Variants in IGF2BP2 observed in about 807,000 individuals in gnomAD.
The protein encoded by IGF2BP2 is insulin-like growth factor 2 mRNA-binding protein 2.
In IGF2BP2, 17 loss-of-function variants were observed where a neutral mutation model predicts 75.8. The observed-to-expected ratio is 0.22, with a 90% confidence interval of 0.15 to 0.34. The LOEUF is 0.34. Ranked by LOEUF, IGF2BP2 falls within the 10% of genes least tolerant of loss-of-function variation. The pLI, the probability that IGF2BP2 is intolerant of heterozygous loss-of-function variation, is 1.00. For missense variants in IGF2BP2, 516 were observed against 772.4 expected (o/e 0.67, Z 3.93); for synonymous variants, 288 against 295.6 (o/e 0.97, Z 0.26).
intron 8 of IGF2BP2, 30 bp from the exon 9 acceptor site, chr3:185,675,461 G>C (rs1719186565): frequency 4.4e-6 from 7 of 1,585,974 alleles, no homozygotes; most frequent in African/African-American, 1.4e-5. Flanking sequence ...GAGAAATTTT[G>C]TTTTCAACGG....
intron 2 of IGF2BP2, among the ~76,000 whole-genome samples, chr3:185,702,565 G>C (rs1296895737): frequency 6.6e-6 from 1 of 152,040 alleles, no homozygotes; most frequent in Non-Finnish European, 1.5e-5. Context: ...CAGGTAAAAG[G>C]CATTTTTCAT....
intron 2 of IGF2BP2, among the ~76,000 whole-genome samples, chr3:185,820,273 C>T (rs938764999): frequency 1.4e-5 from 2 of 146,792 alleles, no homozygotes; most frequent in Admixed American, 6.9e-5. Flanking sequence ...CACACACACA[C>T]ATAATTTTTA....
At chr3:185,751,150 T>C (rs1199114120) in intron 2 of IGF2BP2, among the ~76,000 whole-genome samples, 1 of 152,150 alleles carries the variant, frequency 6.6e-6, no homozygotes, top group African/African-American at 2.4e-5. Flanking sequence ...GAGGCAGAGG[T>C]TGCAGTGAGT....
intron 2 of IGF2BP2, among the ~76,000 whole-genome samples, chr3:185,808,291 A>G (rs1458414498): frequency 1.3e-5 from 2 of 150,156 alleles, no homozygotes; most frequent in African/African-American, 5.0e-5. Context: ...GCCTGCCAAC[A>G]TGGTGAAACA....
chr3:185,803,776 C>T (rs1218102871), intron 2 of IGF2BP2, among the ~76,000 whole-genome samples: 1 of 152,176 alleles, frequency 6.6e-6, no homozygotes, highest in African/African-American at 2.4e-5. Flanking sequence ...TAGGGGTACT[C>T]ATTCAACAAA....
intron 2 of IGF2BP2, among the ~76,000 whole-genome samples, chr3:185,752,447 A>G (rs898826347): frequency 1.3e-5 from 2 of 152,188 alleles, no homozygotes; most frequent in African/African-American, 4.8e-5. Context: ...CCATAAAGCC[A>G]TTCTCTTTTA....
chr3:185,753,909 T>TA (rs543820582), intron 2 of IGF2BP2, among the ~76,000 whole-genome samples: 1 of 151,940 alleles, frequency 6.6e-6, no homozygotes, highest in Non-Finnish European at 1.5e-5. Context: ...TCTGGTTGTT[T>TA]AAAAGAGTCT....
At chr3:185,815,397 C>T (rs1740467330) in intron 2 of IGF2BP2, among the ~76,000 whole-genome samples, 1 of 152,210 alleles carries the variant, frequency 6.6e-6, no homozygotes, top group Admixed American at 6.5e-5. Context: ...CAACTTTCTA[C>T]TTCATTGCTA....
chr3:185,751,384 C>T (rs1052644831), intron 2 of IGF2BP2, among the ~76,000 whole-genome samples: 1 of 151,454 alleles, frequency 6.6e-6, no homozygotes, highest in Non-Finnish European at 1.5e-5. Context: ...TCGAGACCAG[C>T]CTGACCAACA....
At chr3:185,797,675 A>G (rs952553754) in intron 2 of IGF2BP2, among the ~76,000 whole-genome samples, 1 of 152,128 alleles carries the variant, frequency 6.6e-6, no homozygotes, top group Non-Finnish European at 1.5e-5. Context: ...AGGCCAATGC[A>G]GGCGGATCAG....
At chr3:185,683,772 G>A (rs893803043) in intron 7 of IGF2BP2, among the ~76,000 whole-genome samples, 4 of 152,128 alleles carry the variant, frequency 2.6e-5, no homozygotes, top group Admixed American at 2.0e-4. Context: ...TCTGAAAAAA[G>A]GACACAAGGA....
Position 185,658,362 on chromosome 3 carries a change from GC to G in IGF2BP2, c.1247del (p.Gly416AlafsTer15). 1.2e-6 allele frequency: 2 copies of G among 1,613,910 alleles called. No homozygotes were observed. The highest frequency in any genetic ancestry group is 8.5e-7 in the Non-Finnish European group (1 of 1,179,886). ...TTACAGAGTGATGATGCGGGAACGGGCCAAACTGGTGATGGGGGTACAGGCT... is the reference window on the plus strand; with the variant it reads ...TTACAGAGTGATGATGCGGGAACGGGCAAACTGGTGATGGGGGTACAGGCT... ...FSSLYPHHQF[G>X]PFPHHHSYPE... On this transcript the variant is annotated frameshift_variant, in exon 11 of 16. Transcript: ENST00000382199.
rs192659664 is a variant in IGF2BP2, at chr3:185,731,969, G to A, written c.240-33622C>T. Among the ~76,000 whole-genome samples the A allele has an allele frequency of 4.4e-3, 672 of 151,804 alleles. 5 individuals carry two copies. The highest frequency in any genetic ancestry group is 0.016 in the African/African-American group (642 of 41,350). On this transcript the variant is annotated intron_variant, in intron 2 of 15. Transcript: ENST00000382199. ...TGCACTCCAGCCTGGGCGACAGAGC[G>A]AGACTCCGTCTCAAAAAAAAAAAAG...
At position 185,817,290 on chromosome 3, in the gene IGF2BP2, C is replaced by G. The variant is rs536582015; in HGVS notation, c.239+5863G>C. Reference sequence around the variant, plus strand: ...AGGCTTGGGGAGGAGACATAACTATCAAATGATGGAACAGGGCTAGCTTTT... The same window carrying G: ...AGGCTTGGGGAGGAGACATAACTATGAAATGATGGAACAGGGCTAGCTTTT... On this transcript the variant is annotated intron_variant, in intron 2 of 15. Transcript: ENST00000382199. Among the ~76,000 whole-genome samples, 3 of 152,250 alleles carry G rather than the reference C, an allele frequency of 2.0e-5. No homozygotes were observed. The East Asian group carries it at 5.8e-4, about 29-fold the overall frequency.
chr3:185,814,395 A>G (rs1272488003), intron 2 of IGF2BP2, among the ~76,000 whole-genome samples: 1 of 152,238 alleles, frequency 6.6e-6, no homozygotes, highest in East Asian at 1.9e-4. Flanking sequence ...CACAAGGATC[A>G]GTAGGGACCA....
chr3:185,712,548 T>A (rs999289727), intron 2 of IGF2BP2: 1 of 152,148 alleles, frequency 6.6e-6, no homozygotes, highest in Non-Finnish European at 1.5e-5. Flanking sequence ...TCTACCACGA[T>A]GCTGAGTCAG....
At chr3:185,788,980 T>C (rs2149845306) in intron 2 of IGF2BP2, among the ~76,000 whole-genome samples, 1 of 152,292 alleles carries the variant, frequency 6.6e-6, no homozygotes. Context: ...CCCAAAGTGC[T>C]GGGATTACAG....
intron 2 of IGF2BP2, among the ~76,000 whole-genome samples, chr3:185,771,280 A>C (rs1733830264): frequency 6.6e-6 from 1 of 152,036 alleles, no homozygotes; most frequent in Non-Finnish European, 1.5e-5. Flanking sequence ...GTCTCTACTA[A>C]AAATATAAAA....
At chr3:185,803,308 G>A (rs767247566) in intron 2 of IGF2BP2, among the ~76,000 whole-genome samples, 25 of 152,220 alleles carry the variant, frequency 1.6e-4, no homozygotes, top group Non-Finnish European at 2.9e-4. Context: ...CCGAGATCAT[G>A]CTACTGCACT....
Sources: allele counts gnomAD v4.1 joint callset (sites outside exome capture counted in the v4.1 genomes callset), GRCh38; gene constraint gnomAD v4.1.1; transcripts MANE v1.5; gene names NCBI Gene and HGNC (gene_info 2026-07-23, HGNC 2026-07-21).